Variants in MYH14 observed in about 807,000 individuals in gnomAD.
MYH14 encodes myosin heavy chain 14, also known as myosin-14.
A neutral mutation model predicts 255.5 loss-of-function variants in MYH14; 123 were observed. The observed-to-expected ratio is 0.48, with a 90% CI of 0.42 to 0.56. The LOEUF (loss-of-function observed/expected upper bound fraction) is 0.56, where lower values mean the gene tolerates loss of function less well. Ranked by LOEUF, MYH14 falls within the 20% of genes least tolerant of loss-of-function variation. The probability of loss-of-function intolerance (pLI) is 0.00; values close to 1 mark genes in which losing one functional copy is unlikely to be tolerated. For synonymous variants in MYH14, 1,095 were observed against 1,161.2 expected (o/e 0.94, Z 1.16); for missense variants, 2,423 against 2,802.3 (o/e 0.86, Z 3.06).
rs650744 is a variant in MYH14, at chr19:50,224,134, G to C, written c.694-20G>C. 3 of 1,611,694 alleles carry C rather than the reference G, an allele frequency of 1.9e-6. No homozygotes were observed. The highest frequency in any genetic ancestry group is 1.7e-6 in the Non-Finnish European group (2 of 1,179,192). On this transcript the variant is annotated intron_variant, in intron 5 of 42. Coordinates refer to ENST00000642316, the MANE Select transcript of MYH14 (RefSeq NM_001145809.2). ...TGTGCTGTGTCCTGGTCCGTGTCTC[G>C]TGTCCCGTGACTTCCTCAGGCCTCC... is the stretch of plus-strand genomic sequence containing the variant.
chr19:50,282,673 G>T (rs1043324842), intron 33 of MYH14, among the ~76,000 whole-genome samples: 2 of 151,944 alleles, frequency 1.3e-5, no homozygotes, highest in East Asian at 3.9e-4. Context: ...ACTGCACTCC[G>T]GCCTGGGTGA....
At position 50,259,168 on chromosome 19, in the gene MYH14, G is replaced by T. The variant is rs367822041; in HGVS notation, c.2257G>T (p.Val753Leu). 4 of 1,561,812 alleles carry T rather than the reference G, an allele frequency of 2.6e-6. No homozygotes were observed. The highest frequency in any genetic ancestry group is 2.6e-6 in the Non-Finnish European group (3 of 1,152,862). Residue 753 changes from valine to leucine, a missense_variant, in exon 19 of 43, where the codon GTG (valine) becomes TTG (leucine). Val to Leu is a conservative substitution (Grantham distance 32). This residue lies in a region of MYH14 where 672 missense variants were observed against 881.8 expected (regional missense o/e 0.76). Coordinates refer to ENST00000642316, the MANE Select transcript of MYH14 (RefSeq NM_001145809.2). ...GGCCGGGAAGCTGGAGCCACGGCTG[G>T]TGCTGGACCAGCTTCGCTGCAACGG... is the stretch of plus-strand genomic sequence containing the variant. Reference protein sequence around the residue: ...KRAGKLEPRLVLDQLRCNGVL... With the variant: ...KRAGKLEPRLLLDQLRCNGVL...
At chr19:50,211,829 AT>A (rs2032211376) in intron 2 of MYH14, among the ~76,000 whole-genome samples, 1 of 151,318 alleles carries the variant, frequency 6.6e-6, no homozygotes, top group Admixed American at 6.6e-5. Context: ...AAAAAAAAAA[AT>A]ACAATAAATT....
intron 1 of MYH14, among the ~76,000 whole-genome samples, chr19:50,207,257 A>AAGAGAGAGAGAGAGAG (rs2031827890): frequency 5.6e-4 from 15 of 27,006 alleles, no homozygotes; most frequent in South Asian, 1.5e-3. Flanking sequence ...GAGAGAGAGA[A>AAGAGAGAGAGAGAGAG]AGAGAGAGAG....
At chr19:50,284,085 C>CAAAAAAA in intron 33 of MYH14, among the ~76,000 whole-genome samples, 1 of 116,938 alleles carries the variant, frequency 8.6e-6, no homozygotes, top group African/African-American at 3.9e-5. Flanking sequence ...AAAAACAAAA[C>CAAAAAAA]AAAAAACAAA....
At chr19:50,217,863 A>G in intron 3 of MYH14, 92 bp downstream of exon 3, 1 of 1,491,050 alleles carries the variant, frequency 6.7e-7, no homozygotes, top group Non-Finnish European at 9.1e-7. Flanking sequence ...AGGTCAAATG[A>G]CAGCTTGTAG....
At chr19:50,205,187 C>T (rs2031663189) in intron 1 of MYH14, among the ~76,000 whole-genome samples, 1 of 152,200 alleles carries the variant, frequency 6.6e-6, no homozygotes, top group Non-Finnish European at 1.5e-5. Context: ...CCGCAATGCA[C>T]AGCAGGGAAA....
At chr19:50,249,481 C>T in intron 13 of MYH14, 169 bp from the exon 14 acceptor site, 1 of 749,692 alleles carries the variant, frequency 1.3e-6, no homozygotes, top group Non-Finnish European at 2.2e-6. Context: ...TGGCTCTGTC[C>T]CCTGTCTCTG....
rs1026238890 is a variant in MYH14 at position 50,276,460 on chromosome 19, C to T, written c.3680+257C>T. Reference sequence around the variant, plus strand: ...CAACCCAGAACAAGGGGTGCTTTAGCGGAGTAACACGGGGCACTGTGGGTG... The same window carrying T: ...CAACCCAGAACAAGGGGTGCTTTAGTGGAGTAACACGGGGCACTGTGGGTG... On this transcript the variant is annotated intron_variant, in intron 28 of 42. Transcript: ENST00000642316. The surrounding 1 kb of genome is among the most constrained non-coding windows in gnomAD (Gnocchi z 4.3). 6.6e-6 allele frequency among the ~76,000 whole-genome samples: 1 copy of T among 152,052 alleles called. No individual in the cohort carries two copies. The highest frequency in any genetic ancestry group is 2.4e-5 in the African/African-American group (1 of 41,408).
chr19:50,264,085 G>T (rs4801825), intron 22 of MYH14, among the ~76,000 whole-genome samples: 3,665 of 47,024 alleles, frequency 0.078, 75 homozygotes, highest in African/African-American at 0.14. Flanking sequence ...AAGAGCAAAG[G>T]TTAAAAAAAA....
rs1404245416 is a variant in MYH14 at position 50,271,560 on chromosome 19, G to A, written c.3171+14G>A. 7.5e-6 allele frequency: 12 copies of A among 1,600,574 alleles called. No homozygotes were observed. In the Admixed American group the frequency reaches 1.7e-4, roughly 23 times the overall value. Reference sequence around the variant, plus strand: ...AAGCTGAGCAAGGTTGGGGGCCTGAGGGCAGCTGGGAAAGTGGGGATGGGG... The same window carrying A: ...AAGCTGAGCAAGGTTGGGGGCCTGAAGGCAGCTGGGAAAGTGGGGATGGGG... On this transcript the variant is annotated intron_variant, in intron 25 of 42. Transcript: ENST00000642316.
At chr19:50,267,144 C>G in intron 23 of MYH14, 136 bp downstream of exon 23, 2 of 867,626 alleles carry the variant, frequency 2.3e-6, no homozygotes, top group African/African-American at 1.7e-5. Context: ...AGGATGGGAG[C>G]AAAGCTAAGG....
chr19:50,268,313 G>C lies in MYH14; in HGVS notation c.2979G>C (p.Glu993Asp). The C allele has an allele frequency of 6.3e-7, 1 of 1,589,082 alleles. No individual in the cohort carries two copies. The highest frequency in any genetic ancestry group is 8.6e-7 in the Non-Finnish European group (1 of 1,169,054). Residue 993 changes from glutamate (E) to aspartate (D), a missense_variant, in exon 24 of 43, where the codon GAG becomes GAC. This residue lies in a region of MYH14 where 1,513 missense variants were observed against 1,674.8 expected (regional missense o/e 0.90). Transcript: ENST00000642316. The part of the protein sequence containing the change: ...SELEARVGEE[E>D]ECSRQMQTEK... ...TGGAGGCTCGCGTGGGCGAGGAGGA[G>C]GAGTGCAGCCGTCAAATGCAAACCG...
intron 35 of MYH14, among the ~76,000 whole-genome samples, chr19:50,289,957 C>T (rs1438453720): frequency 6.6e-6 from 1 of 152,144 alleles, no homozygotes; most frequent in East Asian, 1.9e-4. Context: ...GACCCATTAA[C>T]CCACACACAT....
intron 11 of MYH14, among the ~76,000 whole-genome samples, chr19:50,246,113 T>TTCCTTCCTTCCTTCCTTCCTTCCC (rs2034113716): frequency 8.3e-6 from 1 of 121,156 alleles, no homozygotes; most frequent in Non-Finnish European, 1.7e-5. Flanking sequence ...CCTTCCTTTC[T>TTCCTTCCTTCCTTCCTTCCTTCCC]TCCTTCCTTC....
chr19:50,280,393 C>T lies in MYH14; in HGVS notation c.4290+10C>T. ...GACTGCCCAGGCCCAGGTGAGCAGC[C>T]CTACGTAAGACCTTCAGGGAGGCAC... On this transcript the variant is annotated intron_variant, in intron 32 of 42. Transcript: ENST00000642316. This position sits in a 1 kb window ranked among gnomAD's most constrained non-coding sequence, Gnocchi z 4.8. 6.6e-7 allele frequency: 1 copy of T among 1,524,764 alleles called. No homozygotes were observed. Among genetic ancestry groups the T allele is most frequent in the Non-Finnish European group, 8.8e-7 (1 of 1,131,318 alleles). The allele number at this position is 1,524,764 out of a possible 1,614,324, so 94.5% of individuals were successfully genotyped here.
Position 50,276,834 on chromosome 19 carries a change from A to G in MYH14, c.3758A>G (p.Gln1253Arg), listed in dbSNP as rs1415689650. 2 of 1,592,622 alleles carry G rather than the reference A, an allele frequency of 1.3e-6. No homozygotes were observed. The highest frequency in any genetic ancestry group is 1.7e-6 in the Non-Finnish European group (2 of 1,167,924). The change falls in exon 29 of 43, where the codon CAG becomes CGG. Residue 1253 changes from glutamine to arginine, a missense_variant. This residue lies in a region of MYH14 where 1,513 missense variants were observed against 1,674.8 expected (regional missense o/e 0.90). Coordinates refer to ENST00000642316, the MANE Select transcript of MYH14 (RefSeq NM_001145809.2). This position sits in a 1 kb window ranked among gnomAD's most constrained non-coding sequence, Gnocchi z 4.3. ...ACTCGCATCCACGAGGCGGCAGTGC[A>G]GGAGCTGAGGCAGCGCCACGGCCAG... Reference protein sequence around the residue: ...EETRIHEAAVQELRQRHGQAL... With the variant: ...EETRIHEAAVRELRQRHGQAL...
rs527462226 is a variant in MYH14 at position 50,272,875 on chromosome 19, C to T, written c.3467+144C>T. ...GACAGGCCACATCCCCTCCGAGCCTCAGTGTCCCCTTCTGTCAAATGAAGA... is the reference window on the plus strand; with the variant it reads ...GACAGGCCACATCCCCTCCGAGCCTTAGTGTCCCCTTCTGTCAAATGAAGA... On this transcript the variant is annotated intron_variant, in intron 27 of 42. Coordinates refer to ENST00000642316, the MANE Select transcript of MYH14 (RefSeq NM_001145809.2). 76 of 787,034 alleles carry T rather than the reference C, an allele frequency of 9.7e-5. No individual in the cohort carries two copies. The African/African-American group carries it at 1.2e-3, about 12-fold the overall frequency. 48.8% of individuals were successfully genotyped at this position (787,034 alleles called of 1,614,324 possible).
chr19:50,218,915 C>T (rs2032646150), intron 3 of MYH14, among the ~76,000 whole-genome samples: 1 of 151,694 alleles, frequency 6.6e-6, no homozygotes, highest in Admixed American at 6.6e-5. Context: ...CAATTTCATC[C>T]AGGTTGCTGT....
Sources: allele counts gnomAD v4.1 joint callset (sites outside exome capture counted in the v4.1 genomes callset), GRCh38; gene constraint gnomAD v4.1.1; regional missense constraint gnomAD v4.1.1; non-coding constraint Gnocchi (gnomAD v3.1); transcripts MANE v1.5; gene names NCBI Gene and HGNC (gene_info 2026-07-23, HGNC 2026-07-21).